The following GNAL variants were observed in gnomAD, a reference collection of about 807,000 sequenced individuals.
GNAL encodes the protein G protein subunit alpha L, also known as guanine nucleotide-binding protein G(olf) subunit alpha.
Under a neutral mutation model 55.1 loss-of-function variants are expected in GNAL, and 18 were observed. The observed-to-expected ratio is 0.33, with a 90% CI of 0.23 to 0.48. The LOEUF (loss-of-function observed/expected upper bound fraction) is 0.48, where lower values mean the gene tolerates loss of function less well. Among genes scored for constraint, GNAL ranks in the 20% least tolerant of loss-of-function variants. The pLI, the probability that GNAL is intolerant of heterozygous loss-of-function variation, is 0.99. For missense variants in GNAL, 412 were observed against 614.1 expected (o/e 0.67, Z 3.48); for synonymous variants, 253 against 237.0 (o/e 1.07, Z -0.62).
intron 1 of GNAL, among the ~76,000 whole-genome samples, chr18:11,696,935 C>A (rs1807001133): frequency 6.6e-6 from 1 of 152,174 alleles, no homozygotes; most frequent in Non-Finnish European, 1.5e-5. Flanking sequence ...TGGAGTCAGA[C>A]CTTGTCCGAG....
intron 4 of GNAL, among the ~76,000 whole-genome samples, chr18:11,822,088 C>T (rs1421658932): frequency 1.3e-5 from 2 of 152,236 alleles, no homozygotes; most frequent in African/African-American, 4.8e-5. Flanking sequence ...GCGTGTGGCA[C>T]CGCAGGCGCG....
intron 4 of GNAL, among the ~76,000 whole-genome samples, chr18:11,796,168 G>A (rs555435610): frequency 9.2e-5 from 14 of 152,236 alleles, no homozygotes; most frequent in Non-Finnish European, 2.1e-4. Flanking sequence ...GCCAGTGAAA[G>A]GTGATCCCAG....
intron 1 of GNAL, among the ~76,000 whole-genome samples, chr18:11,733,157 G>T (rs1461582745): frequency 6.6e-6 from 1 of 152,248 alleles, no homozygotes; most frequent in Non-Finnish European, 1.5e-5. Flanking sequence ...TGGCACAGGG[G>T]CGCTGGCGAG....
rs1413321454 is a variant in GNAL, at chr18:11,868,685, G to T, written c.1031+22G>T. 1 of 1,596,312 alleles carries T rather than the reference G, an allele frequency of 6.3e-7. No individual in the cohort carries two copies. Among genetic ancestry groups the T allele is most frequent in the Non-Finnish European group, 8.5e-7 (1 of 1,171,602 alleles). On this transcript the variant is annotated intron_variant, in intron 9 of 11. Transcript: ENST00000334049. This position sits in a 1 kb window ranked among gnomAD's most constrained non-coding sequence, Gnocchi z 4.0. ...ACAGGTGACAAAAATAGCAAATTCA[G>T]TCTTACCATTGGATTGCAAATTTTC... is the stretch of plus-strand genomic sequence containing the variant.
intron 1 of GNAL, among the ~76,000 whole-genome samples, chr18:11,694,604 G>T (rs2031352425): frequency 6.6e-6 from 1 of 152,174 alleles, no homozygotes; most frequent in South Asian, 2.1e-4. Context: ...AGGGCAGTGT[G>T]GTATAGTAGG....
At chr18:11,880,393 A>AC (rs1567908785) in intron 11 of GNAL, among the ~76,000 whole-genome samples, 2 of 151,908 alleles carry the variant, frequency 1.3e-5, no homozygotes, top group South Asian at 4.2e-4. Context: ...ACATGGTGAC[A>AC]CCCCGTCTCT....
intron 1 of GNAL, among the ~76,000 whole-genome samples, chr18:11,726,910 G>C (rs2032223838): frequency 6.6e-6 from 1 of 151,648 alleles, no homozygotes; most frequent in African/African-American, 2.4e-5. Context: ...GGACAGAATG[G>C]GACAGGTTGT....
chr18:11,884,420 T>A lies in GNAL; in HGVS notation c.*3285T>A. The A allele has an allele frequency of 6.2e-7, 1 of 1,606,644 alleles. No individual in the cohort carries two copies. Among genetic ancestry groups the A allele is most frequent in the East Asian group, 2.2e-5 (1 of 44,718 alleles). On this transcript the variant is annotated 3_prime_UTR_variant, in exon 12 of 12. Transcript: ENST00000334049. ...GCCCAAAGTTCCATTTCTTGGGCTT[T>A]GATATTTATAATGGCGCCTGCTCTT...
At position 11,752,230 on chromosome 18, in the gene GNAL, A is replaced by T. The variant is rs2032868661; in HGVS notation, c.377-623A>T. 1 of 1,048,440 alleles carries T rather than the reference A, an allele frequency of 9.5e-7. No individual in the cohort carries two copies. 64.9% of individuals were successfully genotyped at this position (1,048,440 alleles called of 1,614,324 possible). On this transcript the variant is annotated intron_variant, in intron 1 of 11. Transcript: ENST00000334049. This position sits in a 1 kb window ranked among gnomAD's most constrained non-coding sequence, Gnocchi z 4.5. ...GCATTTTACTCCGCGCGTCTTCCTT[A>T]CAGCCATTTAGTTGGGAGTTTGCGG...
chr18:11,846,859 C>T (rs62097391), intron 5 of GNAL, among the ~76,000 whole-genome samples: 6,309 of 152,014 alleles, frequency 0.042, 159 homozygotes, highest in African/African-American at 0.069. Context: ...TTACAGGCAT[C>T]GGCCATCACA....
intron 4 of GNAL, among the ~76,000 whole-genome samples, chr18:11,791,584 TA>T (rs1416727830): frequency 6.6e-6 from 1 of 152,202 alleles, no homozygotes; most frequent in African/African-American, 2.4e-5. Flanking sequence ...ACTATCTTAA[TA>T]AGATACTAAG....
At chr18:11,785,141 C>T (rs57491632) in intron 4 of GNAL, among the ~76,000 whole-genome samples, 9,692 of 152,192 alleles carry the variant, frequency 0.064, 444 homozygotes, top group African/African-American at 0.13. Flanking sequence ...CTTTCCCCTA[C>T]CTCAATCCAG....
At chr18:11,855,281 A>AT (rs201343515) in intron 5 of GNAL, among the ~76,000 whole-genome samples, 6,470 of 151,438 alleles carry the variant, frequency 0.043, 164 homozygotes, top group Middle Eastern at 0.086. Flanking sequence ...TAACTACAAG[A>AT]TTTTTTTTCA....
chr18:11,747,794 T>C (rs538219939), intron 1 of GNAL, among the ~76,000 whole-genome samples: 2 of 152,152 alleles, frequency 1.3e-5, no homozygotes, highest in Non-Finnish European at 2.9e-5. Context: ...TGTTTTACTT[T>C]TGTGCCTTTC....
At chr18:11,827,255 C>T (rs1441756124) in intron 5 of GNAL, among the ~76,000 whole-genome samples, 1 of 152,122 alleles carries the variant, frequency 6.6e-6, no homozygotes, top group African/African-American at 2.4e-5. Context: ...AAGGGTTAGC[C>T]ACCTCCATTA....
At chr18:11,731,384 G>A (rs1196039611) in intron 1 of GNAL, among the ~76,000 whole-genome samples, 2 of 152,188 alleles carry the variant, frequency 1.3e-5, no homozygotes, top group East Asian at 1.9e-4. Flanking sequence ...CCTGACCTCA[G>A]GTGATCCACC....
chr18:11,825,811 AT>A (rs1372958246), intron 5 of GNAL, among the ~76,000 whole-genome samples: 1 of 148,402 alleles, frequency 6.7e-6, no homozygotes, highest in Admixed American at 6.8e-5. Context: ...TTACTTTTCC[AT>A]TTTGTTTTGC....
chr18:11,870,623 C>T (rs1422351549), intron 9 of GNAL, among the ~76,000 whole-genome samples: 2 of 152,164 alleles, frequency 1.3e-5, no homozygotes, highest in East Asian at 3.8e-4. Context: ...TTACAGCTCA[C>T]AATCACCACA....
At chr18:11,691,795 G>A (rs1479093098) in intron 1 of GNAL, among the ~76,000 whole-genome samples, 1 of 152,150 alleles carries the variant, frequency 6.6e-6, no homozygotes, top group Non-Finnish European at 1.5e-5. Flanking sequence ...CCCCAGCTCT[G>A]GGAGATTTGC....
Sources: gnomAD v4.1 joint callset for allele counts (sites outside exome capture counted in the v4.1 genomes callset) on GRCh38, gnomAD v4.1.1 for gene constraint, Gnocchi (gnomAD v3.1) non-coding constraint, MANE v1.5 for transcripts, NCBI Gene and HGNC (gene_info 2026-07-23, HGNC 2026-07-21) for gene names.